The following FGF14 variants were observed in gnomAD, a reference collection of about 807,000 sequenced individuals.
FGF14 encodes fibroblast growth factor 14.
A neutral mutation model predicts 25.5 loss-of-function variants in FGF14; 5 were observed. That is an observed-to-expected ratio of 0.20 (90% CI 0.10 to 0.41). FGF14 has a LOEUF of 0.41. Ranked by LOEUF, FGF14 falls within the 10% of genes least tolerant of loss-of-function variation. The probability of loss-of-function intolerance (pLI) is 1.00; values close to 1 mark genes in which losing one functional copy is unlikely to be tolerated. For missense variants in FGF14, 222 were observed against 320.1 expected, an observed-to-expected ratio of 0.69 and a Z score of 2.34; for synonymous variants, 138 against 118.3, an observed-to-expected ratio of 1.17 and a Z score of -1.08.
At chr13:101,791,689 C>T (rs2040242706) in intron 3 of FGF14, among the ~76,000 whole-genome samples, 1 of 152,148 alleles carries the variant, frequency 6.6e-6, no homozygotes. Context: ...CTTTGACCTT[C>T]CTACCCCATT....
chr13:101,725,878 G>A (rs999151816), intron 4 of FGF14, among the ~76,000 whole-genome samples: 1 of 152,030 alleles, frequency 6.6e-6, no homozygotes, highest in Non-Finnish European at 1.5e-5. Flanking sequence ...ATTAATGAGA[G>A]AGGTGCAGAT....
chr13:101,756,247 T>A (rs190038781), intron 3 of FGF14, among the ~76,000 whole-genome samples: 2 of 152,354 alleles, frequency 1.3e-5, no homozygotes, highest in Admixed American at 1.3e-4. Flanking sequence ...TCATGCCACA[T>A]AAAACCTTTC....
chr13:102,398,701 C>A (rs1385719403), intron 1 of FGF14, among the ~76,000 whole-genome samples: 2 of 151,720 alleles, frequency 1.3e-5, no homozygotes, highest in Non-Finnish European at 2.9e-5. Context: ...ATTTTGGGAT[C>A]AAAAACCTGC....
intron 1 of FGF14, among the ~76,000 whole-genome samples, chr13:102,273,727 A>G (rs2053363846): frequency 6.6e-6 from 1 of 152,038 alleles, no homozygotes; most frequent in Admixed American, 6.6e-5. Context: ...TTCTCTTTCT[A>G]CAGGTCCAGG....
chr13:101,800,816 T>C (rs2040829499), intron 3 of FGF14, among the ~76,000 whole-genome samples: 1 of 152,126 alleles, frequency 6.6e-6, no homozygotes, highest in Admixed American at 6.6e-5. Flanking sequence ...TCAAAAGTCA[T>C]AGAAAATATT....
intron 3 of FGF14, among the ~76,000 whole-genome samples, chr13:101,780,098 A>G (rs1240259055): frequency 1.3e-5 from 2 of 152,168 alleles, no homozygotes; most frequent in African/African-American, 4.8e-5. Flanking sequence ...CCTGAGCATC[A>G]GTTTGGGTAT....
In FGF14 at chr13:102,162,407, T is replaced by C. The variant is rs1403118321; in HGVS notation, c.208+239064A>G. The stretch of plus-strand genomic sequence containing the variant: ...GTATTATGAAGCCCACAGAGCAAAT[T>C]TCCAAAGCAATTAATATAAATGAAC... On this transcript the variant is annotated intron_variant, in intron 1 of 4. Transcript: ENST00000376131. Among the ~76,000 whole-genome samples, 4 of 152,224 alleles carry C rather than the reference T, an allele frequency of 2.6e-5. No individual in the cohort carries two copies. In the East Asian group the frequency reaches 5.8e-4, roughly 22 times the overall value.
chr13:102,308,937 C>CA lies in FGF14; in HGVS notation c.208+92533dup, dbSNP rs906493502. Among the ~76,000 whole-genome samples, 12 of 135,440 alleles carry CA rather than the reference C, an allele frequency of 8.9e-5. No homozygotes were observed. In the East Asian group the frequency reaches 1.1e-3, roughly 13 times the overall value. 88.9% of individuals were successfully genotyped at this position (135,440 alleles called of 152,430 possible). On this transcript the variant is annotated intron_variant, in intron 1 of 4. Transcript: ENST00000376131. ...TATACAAAAAAAAAAAAAAAAAACACAAAAAAAACAGACCCTAGAAAAAGA... is the reference window on the plus strand; with the variant it reads ...TATACAAAAAAAAAAAAAAAAAACACAAAAAAAAACAGACCCTAGAAAAAGA...
chr13:102,387,679 C>T (rs2058336315), intron 1 of FGF14, among the ~76,000 whole-genome samples: 1 of 151,654 alleles, frequency 6.6e-6, no homozygotes, highest in Non-Finnish European at 1.5e-5. Flanking sequence ...TTTTCTCATC[C>T]AAGTAATAAG....
At chr13:102,088,867 T>C (rs1180360739) in intron 1 of FGF14, among the ~76,000 whole-genome samples, 1 of 152,186 alleles carries the variant, frequency 6.6e-6, no homozygotes, top group Non-Finnish European at 1.5e-5. Context: ...GTTCTTCATC[T>C]AATCCTGAAA....
chr13:102,160,547 T>TA (rs988544851), intron 1 of FGF14, among the ~76,000 whole-genome samples: 8 of 151,770 alleles, frequency 5.3e-5, no homozygotes, highest in Admixed American at 6.6e-5. Context: ...GATGTCCAAC[T>TA]AAAAAACAAG....
intron 3 of FGF14, among the ~76,000 whole-genome samples, chr13:101,822,667 C>T (rs35682203): frequency 0.17 from 25,229 of 152,018 alleles, 2,408 homozygotes; most frequent in Admixed American, 0.23. Context: ...CATTGTGTAA[C>T]GATCAAATCA....
intron 1 of FGF14, among the ~76,000 whole-genome samples, chr13:102,022,779 T>A (rs61966507): frequency 0.061 from 9,283 of 152,188 alleles, 338 homozygotes; most frequent in Middle Eastern, 0.082. Context: ...TATCTTTGTA[T>A]AAAGCCTCTG....
intron 1 of FGF14, among the ~76,000 whole-genome samples, chr13:102,264,009 T>TC (rs2141129360): frequency 1.4e-5 from 1 of 69,026 alleles, no homozygotes; most frequent in African/African-American, 1.1e-4. Flanking sequence ...GTTTTCTCTT[T>TC]CCTTTTTTTT....
chr13:101,761,874 A>C (rs1026921393), intron 3 of FGF14, among the ~76,000 whole-genome samples: 1 of 152,194 alleles, frequency 6.6e-6, no homozygotes, highest in Admixed American at 6.5e-5. Flanking sequence ...GCTTAAAATC[A>C]CAATTAAAGG....
At chr13:102,396,301 A>T (rs2058582171) in intron 1 of FGF14, among the ~76,000 whole-genome samples, 1 of 152,218 alleles carries the variant, frequency 6.6e-6, no homozygotes, top group South Asian at 2.1e-4. Context: ...TGACTTGTTT[A>T]ACACTGAAGA....
intron 1 of FGF14, among the ~76,000 whole-genome samples, chr13:102,397,172 TC>T (rs1369937239): frequency 4.6e-5 from 7 of 152,160 alleles, no homozygotes; most frequent in Admixed American, 4.6e-4. Context: ...TTCCCTCTCT[TC>T]CTATTTTCTC....
chr13:101,881,635 AC>A (rs5806255), intron 1 of FGF14, among the ~76,000 whole-genome samples: 52,664 of 151,992 alleles, frequency 0.35, 9,444 homozygotes, highest in African/African-American at 0.43. Flanking sequence ...TCAATCCATC[AC>A]TTACAATCAC....
chr13:102,146,916 G>A (rs2046877502), intron 1 of FGF14, among the ~76,000 whole-genome samples: 5 of 152,174 alleles, frequency 3.3e-5, no homozygotes. Context: ...AGTCTGAAGT[G>A]CTGATAGAAA....
Sources: gnomAD v4.1 joint callset for allele counts (sites outside exome capture counted in the v4.1 genomes callset) on GRCh38, gnomAD v4.1.1 for gene constraint, MANE v1.5 for transcripts, NCBI Gene and HGNC (gene_info 2026-07-23, HGNC 2026-07-21) for gene names.